Variants in DNAAF11 observed in about 807,000 individuals in gnomAD.
DNAAF11 encodes the protein leucine rich repeat containing 6.
Under a neutral mutation model 60.8 loss-of-function variants are expected in DNAAF11, and 45 were observed. The observed-to-expected ratio is 0.74, with a 90% CI of 0.58 to 0.95. The LOEUF (loss-of-function observed/expected upper bound fraction) is 0.95, where lower values mean the gene tolerates loss of function less well. Among genes scored for constraint, DNAAF11 ranks in the 40% least tolerant of loss-of-function variants. The pLI, the probability that DNAAF11 is intolerant of heterozygous loss-of-function variation, is 0.00. For synonymous variants in DNAAF11, 191 were observed against 183.5 expected (o/e 1.04, Z -0.33); for missense variants, 546 against 546.2 (o/e 1.00, Z 0.00).
At chr8:132,654,946 A>G (rs1199429061) in intron 3 of DNAAF11, among the ~76,000 whole-genome samples, 1 of 152,020 alleles carries the variant, frequency 6.6e-6, no homozygotes, top group Non-Finnish European at 1.5e-5. Flanking sequence ...ATATAAAACA[A>G]TAGACAAAAT....
chr8:132,671,821 A>G (rs1476291624), intron 1 of DNAAF11, among the ~76,000 whole-genome samples: 1 of 151,748 alleles, frequency 6.6e-6, no homozygotes, highest in African/African-American at 2.4e-5. Flanking sequence ...AAAAAAAAAA[A>G]CACACACAAC....
rs555882155 is a variant in DNAAF11 at position 132,661,421 on chromosome 8, A to G, written c.178+39T>C. ...ACTTTCCAAAGTTCTCTCATTCACA[A>G]TGTTCAAGAAACCATGAGAACTAAG... is the stretch of plus-strand genomic sequence containing the variant. On this transcript the variant is annotated intron_variant, in intron 2 of 11. Coordinates refer to ENST00000620350, the MANE Select transcript of DNAAF11 (RefSeq NM_012472.6). 11 of 1,517,288 alleles carry G rather than the reference A, an allele frequency of 7.2e-6. No homozygotes were observed. In the African/African-American group the frequency reaches 1.4e-4, roughly 19 times the overall value. 94.0% of individuals were successfully genotyped at this position (1,517,288 alleles called of 1,614,324 possible). A position where few individuals can be genotyped will look rare whatever the true frequency, so the allele number is the denominator to read the frequency against.
At chr8:132,579,295 A>G (rs910173720) in intron 11 of DNAAF11, among the ~76,000 whole-genome samples, 9 of 152,138 alleles carry the variant, frequency 5.9e-5, no homozygotes, top group African/African-American at 1.9e-4. Flanking sequence ...ACACCCCCAT[A>G]CACAACAGGC....
At chr8:132,685,566 G>A in the DNAAF11 span, among the ~76,000 whole-genome samples, 1 of 152,118 alleles carries the variant, frequency 6.6e-6, no homozygotes, top group South Asian at 2.1e-4. Flanking sequence ...ACGTTGGCTG[G>A]CATCTGCTAA....
intron 10 of DNAAF11, among the ~76,000 whole-genome samples, chr8:132,608,891 G>T (rs4314632): frequency 0.081 from 12,291 of 152,122 alleles, 1,375 homozygotes; most frequent in African/African-American, 0.25. Flanking sequence ...ACATAATTGA[G>T]TACCTATAAT....
chr8:132,620,016 A>T (rs904787127), intron 7 of DNAAF11, among the ~76,000 whole-genome samples: 1 of 152,174 alleles, frequency 6.6e-6, no homozygotes, highest in African/African-American at 2.4e-5. Flanking sequence ...CAAGGTCCTC[A>T]GTTAAGACTG....
chr8:132,653,259 ATG>A (rs1823207734), intron 3 of DNAAF11, among the ~76,000 whole-genome samples: 1 of 152,198 alleles, frequency 6.6e-6, no homozygotes, highest in South Asian at 2.1e-4. Context: ...AATGGTAAAA[ATG>A]TAGTTGTCAA....
chr8:132,610,871 TTTTG>T lies in DNAAF11; in HGVS notation c.1044+419_1044+422del, dbSNP rs567407256. Among the ~76,000 whole-genome samples the T allele has an allele frequency of 4.1e-3, 628 of 152,090 alleles. 2 individuals carry two copies. The highest frequency in any genetic ancestry group is 0.014 in the African/African-American group (594 of 41,528). Reference sequence around the variant, plus strand: ...TCTGTTTCATTTCCCTTTTTCTATGTTTTGTTTTATTTTTGTTTATTTATTTATT... The same window carrying T: ...TCTGTTTCATTTCCCTTTTTCTATGTTTTTATTTTTGTTTATTTATTTATT... On this transcript the variant is annotated intron_variant, in intron 9 of 11. Transcript: ENST00000620350.
chr8:132,641,206 C>T (rs957767568), intron 3 of DNAAF11, among the ~76,000 whole-genome samples: 2 of 152,122 alleles, frequency 1.3e-5, no homozygotes, highest in Non-Finnish European at 2.9e-5. Flanking sequence ...TATCTTCCCA[C>T]AAATTACTCA....
At chr8:132,588,843 G>A (rs1358723159) in intron 10 of DNAAF11, among the ~76,000 whole-genome samples, 1 of 152,082 alleles carries the variant, frequency 6.6e-6, no homozygotes, top group Middle Eastern at 3.2e-3. Context: ...GAAGGTGAAG[G>A]GGAAGCAGGC....
chr8:132,640,253 T>C (rs1382636401), intron 3 of DNAAF11, among the ~76,000 whole-genome samples: 7 of 152,190 alleles, frequency 4.6e-5, no homozygotes, highest in African/African-American at 7.2e-5. Flanking sequence ...TTCATCTCTT[T>C]TATAAACTTC....
chr8:132,651,340 C>G lies in DNAAF11; in HGVS notation c.256+5490G>C, dbSNP rs187481455. On this transcript the variant is annotated intron_variant, in intron 3 of 11. Coordinates refer to ENST00000620350, the MANE Select transcript of DNAAF11 (RefSeq NM_012472.6). ...CAAGGAAAAACAGTAAAAAGCAAAA[C>G]GATTTATTTTTACTTAAGCAGGTGG... Among the ~76,000 whole-genome samples the G allele has an allele frequency of 9.3e-4, 141 of 151,388 alleles. 1 individual carries two copies. The highest frequency in any genetic ancestry group is 3.9e-3 in the Admixed American group (59 of 15,210).
chr8:132,645,464 G>A (rs926926402), intron 3 of DNAAF11, among the ~76,000 whole-genome samples: 11 of 152,170 alleles, frequency 7.2e-5, no homozygotes, highest in South Asian at 4.1e-4. Context: ...CGCCAGCAAC[G>A]GAACAAAGCT....
chr8:132,652,802 G>A (rs1823151538), intron 3 of DNAAF11, among the ~76,000 whole-genome samples: 1 of 152,120 alleles, frequency 6.6e-6, no homozygotes, highest in African/African-American at 2.4e-5. Flanking sequence ...GGGTTGGGGA[G>A]CTAGGGGAGG....
chr8:132,615,146 G>A (rs754753691), intron 7 of DNAAF11, 49 bp from the exon 8 acceptor site: 1 of 1,104,208 alleles, frequency 9.1e-7, no homozygotes. Flanking sequence ...TTAGGATACT[G>A]TATAGAAAAC....
intron 10 of DNAAF11, among the ~76,000 whole-genome samples, chr8:132,597,114 C>A (rs1817091083): frequency 6.6e-6 from 1 of 152,242 alleles, no homozygotes; most frequent in African/African-American, 2.4e-5. Context: ...GGAGCCTTTG[C>A]AGTCAGGGAC....
the DNAAF11 span, among the ~76,000 whole-genome samples, chr8:132,701,970 G>A: frequency 6.6e-6 from 1 of 152,074 alleles, no homozygotes; most frequent in Non-Finnish European, 1.5e-5. Context: ...TCAAGATGTT[G>A]GCCTTGGCTA....
At chr8:132,679,207 G>A (rs149963475), upstream of DNAAF11, among the ~76,000 whole-genome samples, 8 of 152,298 alleles carry the variant, frequency 5.3e-5, no homozygotes, top group East Asian at 1.9e-4. Context: ...AGAGCTACTC[G>A]AGGGCAGAGA....
intron 1 of DNAAF11, among the ~76,000 whole-genome samples, chr8:132,664,398 C>T (rs1190185460): frequency 1.3e-5 from 2 of 152,186 alleles, no homozygotes; most frequent in African/African-American, 4.8e-5. Context: ...TTAAAGATTT[C>T]CAGGGTTGAC....
Sources: gnomAD v4.1 joint callset for allele counts (sites outside exome capture counted in the v4.1 genomes callset) on GRCh38, gnomAD v4.1.1 for gene constraint, MANE v1.5 for transcripts, NCBI Gene and HGNC (gene_info 2026-07-23, HGNC 2026-07-21) for gene names.